The following LSAMP variants were observed in gnomAD, a reference collection of about 807,000 sequenced individuals.
LSAMP encodes limbic system-associated membrane protein.
A neutral mutation model predicts 38.6 loss-of-function variants in LSAMP; 7 were observed. The observed-to-expected ratio is 0.18, with a 90% CI of 0.10 to 0.34. The LOEUF (loss-of-function observed/expected upper bound fraction) is 0.34, where lower values mean the gene tolerates loss of function less well. LSAMP is among the 10% of genes least tolerant of loss of function. LSAMP has a pLI of 1.00. For missense variants in LSAMP, 313 were observed against 420.0 expected, an observed-to-expected ratio of 0.75 and a Z score of 2.23; for synonymous variants, 154 against 166.8, an observed-to-expected ratio of 0.92 and a Z score of 0.59.
At chr3:116,444,364 GTA>G (rs1389844138) in intron 1 of LSAMP, among the ~76,000 whole-genome samples, 1 of 122,126 alleles carries the variant, frequency 8.2e-6, no homozygotes, top group East Asian at 2.5e-4. Flanking sequence ...GTGTGTGTGT[GTA>G]TGTGTGTGTG....
At chr3:116,099,745 A>C in intron 1 of LSAMP, among the ~76,000 whole-genome samples, 1 of 151,438 alleles carries the variant, frequency 6.6e-6, no homozygotes, top group East Asian at 1.9e-4. Context: ...TCTCTTCCTA[A>C]CTCTCTCACA....
At chr3:116,329,770 G>A (rs1230597710) in intron 1 of LSAMP, among the ~76,000 whole-genome samples, 1 of 151,880 alleles carries the variant, frequency 6.6e-6, no homozygotes, top group African/African-American at 2.4e-5. Flanking sequence ...TCTAATTTTG[G>A]ATTTCCAGTA....
chr3:115,954,462 G>T (rs1938390968), intron 3 of LSAMP, among the ~76,000 whole-genome samples: 1 of 152,206 alleles, frequency 6.6e-6, no homozygotes, highest in Non-Finnish European at 1.5e-5. Context: ...TGAATTTGCA[G>T]GGACTTTTTC....
At chr3:116,319,767 G>A (rs2047682284) in intron 1 of LSAMP, among the ~76,000 whole-genome samples, 1 of 150,890 alleles carries the variant, frequency 6.6e-6, no homozygotes, top group African/African-American at 2.4e-5. Flanking sequence ...AAAAGCACAG[G>A]CGCTTGTAAT....
chr3:116,227,732 G>A lies in LSAMP; in HGVS notation c.156-141176C>T, dbSNP rs543107860. Reference sequence around the variant, plus strand: ...TGGGTGACTGCTCACATATGGAAGAGATATTCCTATTTGGAGTTTATTAAA... The same window carrying A: ...TGGGTGACTGCTCACATATGGAAGAAATATTCCTATTTGGAGTTTATTAAA... On this transcript the variant is annotated intron_variant, in intron 1 of 6. Transcript: ENST00000490035. Among the ~76,000 whole-genome samples the A allele has an allele frequency of 9.2e-5, 14 of 152,038 alleles. 1 individual carries two copies. In the South Asian group the frequency reaches 2.9e-3, roughly 32 times the overall value.
rs1460222728 is a variant in LSAMP, at chr3:116,003,899, T to C, written c.514+15616A>G. Among the ~76,000 whole-genome samples, 4 of 152,274 alleles carry C rather than the reference T, an allele frequency of 2.6e-5. No individual in the cohort carries two copies. The East Asian group carries it at 7.7e-4, about 29-fold the overall frequency. ...TTTGGAATTCTGGCCTCCAAAATAG[T>C]GAGATAACACCTTTCTGTTGTTTTA... On this transcript the variant is annotated intron_variant, in intron 3 of 6. Transcript: ENST00000490035.
chr3:116,170,645 C>G (rs555543556), intron 1 of LSAMP, among the ~76,000 whole-genome samples: 1 of 151,944 alleles, frequency 6.6e-6, no homozygotes. Flanking sequence ...ATAATAACAA[C>G]GATTTTAGGT....
chr3:116,081,844 T>TA (rs1204933043), intron 2 of LSAMP, among the ~76,000 whole-genome samples: 9 of 151,994 alleles, frequency 5.9e-5, no homozygotes, highest in East Asian at 1.9e-4. Flanking sequence ...TTCAAAATGT[T>TA]AAAAAAAATT....
At chr3:115,934,606 A>C (rs1344357947) in intron 3 of LSAMP, among the ~76,000 whole-genome samples, 1 of 152,220 alleles carries the variant, frequency 6.6e-6, no homozygotes, top group African/African-American at 2.4e-5. Context: ...GTAAGATAGC[A>C]GTACTTGATG....
chr3:116,131,742 A>T (rs1709139029), intron 1 of LSAMP, among the ~76,000 whole-genome samples: 1 of 152,178 alleles, frequency 6.6e-6, no homozygotes, highest in African/African-American at 2.4e-5. Context: ...TAGCCAAAAA[A>T]AGTACTTAAT....
intron 2 of LSAMP, among the ~76,000 whole-genome samples, chr3:116,083,413 T>C (rs1434116462): frequency 6.6e-6 from 1 of 152,212 alleles, no homozygotes; most frequent in African/African-American, 2.4e-5. Context: ...ATATTTTTCA[T>C]ATGACAAAAC....
At chr3:116,305,570 T>C (rs1487249140) in intron 1 of LSAMP, among the ~76,000 whole-genome samples, 1 of 151,998 alleles carries the variant, frequency 6.6e-6, no homozygotes, top group Non-Finnish European at 1.5e-5. Flanking sequence ...AGAAAGTATG[T>C]GCCAGCTTGC....
intron 2 of LSAMP, among the ~76,000 whole-genome samples, chr3:116,033,500 T>C (rs1181449386): frequency 6.6e-6 from 1 of 152,178 alleles, no homozygotes; most frequent in Non-Finnish European, 1.5e-5. Context: ...AAACAAACGC[T>C]GCCTATAGAA....
At chr3:115,919,478 G>C (rs542161522) in intron 3 of LSAMP, among the ~76,000 whole-genome samples, 1 of 152,286 alleles carries the variant, frequency 6.6e-6, no homozygotes, top group South Asian at 2.1e-4. Context: ...TCAGGTTTGG[G>C]TTGAGCATGT....
intron 3 of LSAMP, among the ~76,000 whole-genome samples, chr3:116,011,789 C>A (rs1002043037): frequency 6.6e-6 from 1 of 152,322 alleles, no homozygotes; most frequent in African/African-American, 2.4e-5. Context: ...AGACCAGGAT[C>A]ATTCTTACCT....
At chr3:116,442,089 C>A (rs930219210) in intron 1 of LSAMP, among the ~76,000 whole-genome samples, 5 of 152,090 alleles carry the variant, frequency 3.3e-5, no homozygotes, top group African/African-American at 1.2e-4. Context: ...GAGGGCAAGA[C>A]CTGAAGCCTA....
intron 1 of LSAMP, among the ~76,000 whole-genome samples, chr3:116,118,176 A>C (rs141546947): frequency 6.6e-6 from 1 of 152,198 alleles, no homozygotes; most frequent in Non-Finnish European, 1.5e-5. Flanking sequence ...TCTCCAGAGA[A>C]TGAACCTAAA....
intron 3 of LSAMP, among the ~76,000 whole-genome samples, chr3:115,929,962 C>G (rs1937553296): frequency 7.6e-6 from 1 of 132,116 alleles, no homozygotes. Flanking sequence ...TAGATACATA[C>G]AATAAATGTT....
At chr3:115,887,601 G>A (rs934561085) in intron 3 of LSAMP, among the ~76,000 whole-genome samples, 1 of 151,906 alleles carries the variant, frequency 6.6e-6, no homozygotes, top group Non-Finnish European at 1.5e-5. Flanking sequence ...CTGTTAATTT[G>A]TTGGGGTACA....
Sources: allele counts gnomAD v4.1 joint callset (sites outside exome capture counted in the v4.1 genomes callset), GRCh38; gene constraint gnomAD v4.1.1; transcripts MANE v1.5; gene names NCBI Gene and HGNC (gene_info 2026-07-23, HGNC 2026-07-21).